TNKS: variants seen among roughly 807,000 people sequenced by gnomAD.
TNKS encodes the protein tankyrase, also known as poly [ADP-ribose] polymerase tankyrase-1.
In TNKS, 72 loss-of-function variants were observed where a neutral mutation model predicts 135.8. That is an observed-to-expected ratio of 0.53 (90% CI 0.44 to 0.64). The LOEUF (loss-of-function observed/expected upper bound fraction) is 0.64. Ranked by LOEUF, TNKS falls within the 30% of genes least tolerant of loss-of-function variation. The pLI is 0.00. For synonymous variants in TNKS, 849 were observed against 649.3 expected, an observed-to-expected ratio of 1.31 and a Z score of -4.68; for missense variants, 1,769 against 1,674.0, an observed-to-expected ratio of 1.06 and a Z score of -0.99.
At chr8:9,707,119 T>G in intron 8 of TNKS, 122 bp downstream of exon 8, 1 of 830,354 alleles carries the variant, frequency 1.2e-6, no homozygotes, top group South Asian at 2.3e-5. Flanking sequence ...TAATCCTCAT[T>G]TCTAATTGTA....
chr8:9,574,992 T>A, intron 1 of TNKS: 1 of 954,148 alleles, frequency 1.0e-6, no homozygotes, highest in Non-Finnish European at 1.2e-6. Context: ...TGTGGAAAGA[T>A]TCTAAGGAGC....
chr8:9,717,832 C>A (rs983598138), intron 11 of TNKS, among the ~76,000 whole-genome samples: 2 of 152,048 alleles, frequency 1.3e-5, no homozygotes, highest in Admixed American at 6.6e-5. Flanking sequence ...GAGGAATAAA[C>A]AGTTATTTCT....
chr8:9,602,958 T>C (rs1263228814), intron 2 of TNKS, among the ~76,000 whole-genome samples: 1 of 152,248 alleles, frequency 6.6e-6, no homozygotes, highest in African/African-American at 2.4e-5. Context: ...TTTCATAAAA[T>C]TTGTAGTTGA....
intron 3 of TNKS, among the ~76,000 whole-genome samples, chr8:9,664,562 A>G (rs1291846835): frequency 6.6e-6 from 1 of 152,238 alleles, no homozygotes; most frequent in African/African-American, 2.4e-5. Flanking sequence ...TGAGACACTC[A>G]TCTGAAATTC....
chr8:9,556,776 G>T, intron 1 of TNKS, 164 bp downstream of exon 1: 2 of 696,166 alleles, frequency 2.9e-6, no homozygotes, highest in Middle Eastern at 3.0e-4. Context: ...TGGTGCCTGG[G>T]TGATGGGGGC....
At chr8:9,596,723 T>G (rs1485041206) in intron 2 of TNKS, among the ~76,000 whole-genome samples, 2 of 152,172 alleles carry the variant, frequency 1.3e-5, no homozygotes, top group East Asian at 3.9e-4. Context: ...AGCCTGAAAA[T>G]TTCTAAATTT....
intron 1 of TNKS, among the ~76,000 whole-genome samples, chr8:9,559,131 C>A (rs76184999): frequency 6.6e-6 from 1 of 152,074 alleles, no homozygotes; most frequent in Non-Finnish European, 1.5e-5. Context: ...CAGCCCTTAA[C>A]CCTTATGGAG....
At chr8:9,647,443 T>C (rs556060404) in intron 3 of TNKS, among the ~76,000 whole-genome samples, 1 of 152,292 alleles carries the variant, frequency 6.6e-6, no homozygotes, top group Middle Eastern at 3.4e-3. Flanking sequence ...GTCTAGGCCA[T>C]ATGCTTTTGC....
intron 22 of TNKS, 107 bp downstream of exon 22, chr8:9,763,351 T>TAATC (rs1221450756): frequency 1.4e-5 from 9 of 644,810 alleles, no homozygotes; most frequent in Admixed American, 2.8e-5. Flanking sequence ...ACATGCCTAT[T>TAATC]AATCAGTCTG....
chr8:9,754,324 C>A (rs111558717), intron 20 of TNKS, among the ~76,000 whole-genome samples: 2 of 152,132 alleles, frequency 1.3e-5, no homozygotes, highest in African/African-American at 4.8e-5. Flanking sequence ...CACATCTTCC[C>A]CTATTTTAGA....
At chr8:9,610,615 A>G (rs1280000744) in intron 2 of TNKS, among the ~76,000 whole-genome samples, 1 of 152,144 alleles carries the variant, frequency 6.6e-6, no homozygotes, top group Admixed American at 6.5e-5. Context: ...AAAAAATTCA[A>G]CGAACTTGGT....
chr8:9,563,410 C>T (rs143423129), intron 1 of TNKS, among the ~76,000 whole-genome samples: 1 of 151,930 alleles, frequency 6.6e-6, no homozygotes, highest in Non-Finnish European at 1.5e-5. Flanking sequence ...CCATATGGTC[C>T]CTCTCATAGC....
intron 2 of TNKS, among the ~76,000 whole-genome samples, chr8:9,615,052 A>G (rs1284100656): frequency 6.6e-6 from 1 of 152,230 alleles, no homozygotes; most frequent in Non-Finnish European, 1.5e-5. Context: ...AGGGTTACAC[A>G]CATTACTATG....
intron 2 of TNKS, among the ~76,000 whole-genome samples, chr8:9,593,571 C>T (rs1301982776): frequency 6.6e-6 from 1 of 152,138 alleles, no homozygotes; most frequent in African/African-American, 2.4e-5. Flanking sequence ...TCCCCCCAAA[C>T]CAAAAAACTA....
chr8:9,668,896 G>A (rs1367495786), intron 3 of TNKS, among the ~76,000 whole-genome samples: 2 of 152,146 alleles, frequency 1.3e-5, no homozygotes, highest in East Asian at 1.9e-4. Flanking sequence ...CTATTCAGCT[G>A]TAGGGTTGAA....
At chr8:9,640,627 T>C (rs1800691034) in intron 3 of TNKS, among the ~76,000 whole-genome samples, 1 of 146,092 alleles carries the variant, frequency 6.8e-6, no homozygotes, top group African/African-American at 2.5e-5. Flanking sequence ...GCAAGAGTAC[T>C]CTGAAGACAG....
At chr8:9,600,232 T>C (rs1254514219) in intron 2 of TNKS, among the ~76,000 whole-genome samples, 1 of 152,186 alleles carries the variant, frequency 6.6e-6, no homozygotes, top group Non-Finnish European at 1.5e-5. Context: ...TACAGCTGTG[T>C]TCTTAACTCT....
rs1470279620 is a variant in TNKS at position 9,556,095 on chromosome 8, C to T, written c.156C>T (p.Gly52=). Residue 52 remains glycine, a synonymous_variant, in exon 1 of 27, where the codon GGC becomes GGT. Coordinates refer to ENST00000310430, the MANE Select transcript of TNKS (RefSeq NM_003747.3). ...CCCCAGCCTCTCCCACGGCCAGCGGCCTGGCCCCCTTCGCCTCCCCGCGGC... is the reference window on the plus strand; with the variant it reads ...CCCCAGCCTCTCCCACGGCCAGCGGTCTGGCCCCCTTCGCCTCCCCGCGGC... ...GTTPASPTAS[G]LAPFASPRHG... is the part of the protein sequence containing the mutation. 6.2e-7 allele frequency: 1 copy of T among 1,601,710 alleles called. No individual in the cohort carries two copies. Among genetic ancestry groups the T allele is most frequent in the East Asian group, 2.2e-5 (1 of 44,728 alleles).
At chr8:9,653,548 G>A (rs1048649986) in intron 3 of TNKS, among the ~76,000 whole-genome samples, 10 of 151,754 alleles carry the variant, frequency 6.6e-5, no homozygotes, top group East Asian at 5.9e-4. Flanking sequence ...AAGCAAAGAC[G>A]CCAAGCATGA....
Sources: allele counts gnomAD v4.1 joint callset (sites outside exome capture counted in the v4.1 genomes callset), GRCh38; gene constraint gnomAD v4.1.1; transcripts MANE v1.5; gene names NCBI Gene and HGNC (gene_info 2026-07-23, HGNC 2026-07-21).